The following SMAP1 variants were observed in gnomAD, a reference collection of about 807,000 sequenced individuals.
The protein encoded by SMAP1 is stromal membrane-associated protein 1.
In SMAP1, 24 loss-of-function variants were observed where a neutral mutation model predicts 58.5. The ratio of observed to expected loss-of-function variants is 0.41; its 90% confidence interval spans 0.30 to 0.58. SMAP1 has a LOEUF of 0.58. Ranked by LOEUF, SMAP1 falls within the 20% of genes least tolerant of loss-of-function variation. SMAP1 has a pLI of 0.29. For synonymous variants in SMAP1, 216 were observed against 196.6 expected (o/e 1.10, Z -0.82); for missense variants, 563 against 566.3 (o/e 0.99, Z 0.06).
intron 1 of SMAP1, among the ~76,000 whole-genome samples, chr6:70,700,707 A>G (rs1263993134): frequency 1.3e-5 from 2 of 152,192 alleles, no homozygotes; most frequent in Admixed American, 6.5e-5. Flanking sequence ...AGCTGTGAAC[A>G]TGGTGGGTCA....
chr6:70,668,230 G>C, intron 1 of SMAP1, 89 bp downstream of exon 1: 1 of 1,227,910 alleles, frequency 8.1e-7, no homozygotes, highest in Non-Finnish European at 1.1e-6. Flanking sequence ...CCGAGCGGAC[G>C]CCTCGGCTTC....
chr6:70,685,382 C>T (rs1026985443), intron 1 of SMAP1, among the ~76,000 whole-genome samples: 1 of 151,666 alleles, frequency 6.6e-6, no homozygotes, highest in Non-Finnish European at 1.5e-5. Flanking sequence ...CCCTGAGGAG[C>T]CTTTACTTTA....
At chr6:70,790,643 T>A (rs1768308962) in intron 4 of SMAP1, among the ~76,000 whole-genome samples, 1 of 152,158 alleles carries the variant, frequency 6.6e-6, no homozygotes, top group African/African-American at 2.4e-5. Context: ...GAGAAAAAAA[T>A]TCCCTGAAGT....
intron 6 of SMAP1, among the ~76,000 whole-genome samples, chr6:70,812,901 A>G (rs1042390165): frequency 2.0e-5 from 3 of 152,074 alleles, no homozygotes; most frequent in Admixed American, 6.6e-5. Flanking sequence ...TCTACATAAC[A>G]AGGTCTACAT....
intron 6 of SMAP1, among the ~76,000 whole-genome samples, chr6:70,811,739 G>A (rs1292201712): frequency 1.3e-5 from 2 of 152,076 alleles, no homozygotes; most frequent in Admixed American, 6.6e-5. Context: ...CTTTATTGTT[G>A]TGGATTCAGT....
chr6:70,669,974 CTT>C (rs1766196223), intron 1 of SMAP1, among the ~76,000 whole-genome samples: 2 of 147,544 alleles, frequency 1.4e-5, no homozygotes, highest in Admixed American at 6.7e-5. Flanking sequence ...TTTATTTACT[CTT>C]TTGAGGTGGG....
intron 6 of SMAP1, among the ~76,000 whole-genome samples, chr6:70,808,382 T>C (rs1769228577): frequency 6.6e-6 from 1 of 152,244 alleles, no homozygotes; most frequent in African/African-American, 2.4e-5. Context: ...TCTTTTCTTA[T>C]AGCATAAAAG....
chr6:70,723,700 C>G (rs888938770), intron 1 of SMAP1, among the ~76,000 whole-genome samples: 4 of 152,144 alleles, frequency 2.6e-5, no homozygotes, highest in Non-Finnish European at 5.9e-5. Flanking sequence ...ACTATATCCC[C>G]AGAGCCCTTA....
At chr6:70,794,173 A>G (rs992571656) in intron 5 of SMAP1, among the ~76,000 whole-genome samples, 2 of 152,212 alleles carry the variant, frequency 1.3e-5, no homozygotes, top group African/African-American at 2.4e-5. Flanking sequence ...ACTTGTGCAT[A>G]TAGCCACCAG....
chr6:70,849,669 A>G (rs564767846), intron 7 of SMAP1, among the ~76,000 whole-genome samples: 7 of 152,322 alleles, frequency 4.6e-5, no homozygotes, highest in African/African-American at 1.7e-4. Flanking sequence ...ACACATACAT[A>G]ATTTTATATA....
At chr6:70,819,004 A>G (rs1769766755) in intron 6 of SMAP1, among the ~76,000 whole-genome samples, 1 of 152,132 alleles carries the variant, frequency 6.6e-6, no homozygotes, top group South Asian at 2.1e-4. Context: ...AAGAAACCCT[A>G]CAGCTATTAG....
chr6:70,758,864 C>T (rs138722091), intron 3 of SMAP1, among the ~76,000 whole-genome samples: 3 of 151,998 alleles, frequency 2.0e-5, no homozygotes, highest in Non-Finnish European at 4.4e-5. Flanking sequence ...AATTCATTAC[C>T]AGCAGGAGGA....
At position 70,761,620 on chromosome 6, in the gene SMAP1, C is replaced by T. The variant is rs138122758; in HGVS notation, c.338+6555C>T. On this transcript the variant is annotated intron_variant, in intron 3 of 10. Coordinates refer to ENST00000370455, the MANE Select transcript of SMAP1 (RefSeq NM_001044305.3). ...CCTCAGTACAGTAATTCTGTTTCCT[C>T]TTGCTACCATGGACCCTATCTTTTA... is the stretch of plus-strand genomic sequence containing the variant. 2.2e-3 allele frequency among the ~76,000 whole-genome samples: 332 copies of T among 152,144 alleles called. 2 individuals are homozygous for T. Among genetic ancestry groups the T allele is most frequent in the African/African-American group, 7.7e-3 (319 of 41,554 alleles).
chr6:70,684,822 G>GCTCTT (rs773503267), intron 1 of SMAP1, among the ~76,000 whole-genome samples: 2 of 152,114 alleles, frequency 1.3e-5, no homozygotes, highest in Non-Finnish European at 2.9e-5. Flanking sequence ...AGTAGTCACT[G>GCTCTT]CTCTTCTCTT....
At chr6:70,744,419 T>C (rs539733119) in intron 2 of SMAP1, among the ~76,000 whole-genome samples, 2 of 151,896 alleles carry the variant, frequency 1.3e-5, no homozygotes, top group African/African-American at 2.4e-5. Flanking sequence ...TGAGAACATA[T>C]GGTGTTTGGT....
At chr6:70,700,055 T>C (rs1237263498) in intron 1 of SMAP1, among the ~76,000 whole-genome samples, 2 of 151,616 alleles carry the variant, frequency 1.3e-5, no homozygotes. Flanking sequence ...TGGTGGGAGG[T>C]TTGTGGGTCA....
intron 3 of SMAP1, among the ~76,000 whole-genome samples, chr6:70,756,906 G>A (rs1766514973): frequency 6.6e-6 from 1 of 151,946 alleles, no homozygotes; most frequent in Non-Finnish European, 1.5e-5. Context: ...ATGCTCATGG[G>A]TAGGAAGAAT....
intron 6 of SMAP1, among the ~76,000 whole-genome samples, chr6:70,822,773 T>C (rs1769944690): frequency 6.6e-6 from 1 of 152,184 alleles, no homozygotes; most frequent in Non-Finnish European, 1.5e-5. Flanking sequence ...GTATTTCCAT[T>C]ACATGTATGT....
intron 2 of SMAP1, among the ~76,000 whole-genome samples, chr6:70,737,086 A>G (rs968277949): frequency 1.3e-5 from 2 of 152,104 alleles, no homozygotes; most frequent in African/African-American, 2.4e-5. Flanking sequence ...AAACAATCTG[A>G]TAGTGTGTTC....
Sources: allele counts gnomAD v4.1 joint callset (sites outside exome capture counted in the v4.1 genomes callset), GRCh38; gene constraint gnomAD v4.1.1; transcripts MANE v1.5; gene names NCBI Gene and HGNC (gene_info 2026-07-23, HGNC 2026-07-21).